TMEM37: variants seen among roughly 807,000 people sequenced by gnomAD.
TMEM37 encodes voltage-dependent calcium channel gamma-like subunit.
Under a neutral mutation model 11.0 loss-of-function variants are expected in TMEM37, and 12 were observed. That is an observed-to-expected ratio of 1.09 (90% confidence interval 0.70 to 1.76). TMEM37 has a LOEUF of 1.76. TMEM37 is among the 40% of genes most tolerant of loss of function. The pLI is 0.00. For synonymous variants in TMEM37, 127 were observed against 110.5 expected (o/e 1.15, Z -0.94); for missense variants, 203 against 251.2 (o/e 0.81, Z 1.30).
intron 1 of TMEM37, among the ~76,000 whole-genome samples, chr2:119,434,507 T>C (rs1423951428): frequency 1.3e-5 from 2 of 150,974 alleles, no homozygotes; most frequent in African/African-American, 4.9e-5. Flanking sequence ...GGACCCCCAA[T>C]GTCCCAAGCA....
chr2:119,434,088 G>A (rs1462873839), intron 1 of TMEM37, among the ~76,000 whole-genome samples: 1 of 152,102 alleles, frequency 6.6e-6, no homozygotes, highest in South Asian at 2.1e-4. Context: ...TGATCCTGAC[G>A]TGACATCTAA....
Position 119,437,925 on chromosome 2 carries a change from T to G in TMEM37, c.*485T>G, listed in dbSNP as rs992160270. On this transcript the variant is annotated 3_prime_UTR_variant, in exon 2 of 2. Coordinates refer to ENST00000306406, the MANE Select transcript of TMEM37 (RefSeq NM_183240.3). The stretch of plus-strand genomic sequence containing the variant: ...TAAGGGTCCAATCAGTGCCTAGGAC[T>G]TTCTTCCACCAGCTCAAAGGGCCTT... 4.1e-5 allele frequency: 1 copy of G among 24,486 alleles called. No homozygotes were observed. The highest frequency in any genetic ancestry group is 8.9e-5 in the African/African-American group (1 of 11,202). 1.5% of individuals were successfully genotyped at this position (24,486 alleles called of 1,614,324 possible). A position where few individuals can be genotyped will look rare whatever the true frequency, so the allele number is the denominator to read the frequency against.
chr2:119,437,597 G>T lies in TMEM37; in HGVS notation c.*157G>T. The T allele has an allele frequency of 9.6e-7, 1 of 1,042,388 alleles. No homozygotes were observed. Among genetic ancestry groups the T allele is most frequent in the Middle Eastern group, 3.1e-4 (1 of 3,194 alleles). 64.6% of individuals were successfully genotyped at this position (1,042,388 alleles called of 1,614,324 possible). A position where few individuals can be genotyped will look rare whatever the true frequency, so the allele number is the denominator to read the frequency against. On this transcript the variant is annotated 3_prime_UTR_variant, in exon 2 of 2. Coordinates refer to ENST00000306406, the MANE Select transcript of TMEM37 (RefSeq NM_183240.3). ...CCGATAACTTGTGGGTGGTCAGCCA[G>T]AAATGGCCCGGGGGCCTCTGCACCT...
In TMEM37 at chr2:119,438,466, G is replaced by A. The variant is rs757958379; in HGVS notation, c.*1026G>A. 6.6e-6 allele frequency: 1 copy of A among 152,252 alleles called. No individual in the cohort carries two copies. Among genetic ancestry groups the A allele is most frequent in the African/African-American group, 2.4e-5 (1 of 41,446 alleles). The allele number at this position is 152,252 out of a possible 1,614,324, so 9.4% of individuals were successfully genotyped here. ...TGGAGATTTCCATCCTTGCCAGCAC[G>A]TCTGTACTTCTGTTCATTAAAGTGC... On this transcript the variant is annotated 3_prime_UTR_variant, in exon 2 of 2. Transcript: ENST00000306406.
At position 119,438,129 on chromosome 2, in the gene TMEM37, T is replaced by A. The variant is rs1189081210; in HGVS notation, c.*689T>A. On this transcript the variant is annotated 3_prime_UTR_variant, in exon 2 of 2. Transcript: ENST00000306406. ...ATCTTCTAGCAGCTGGCTGTGCCTCTGGGAGCTCTGCCTATCAGAACCCTA... is the reference window on the plus strand; with the variant it reads ...ATCTTCTAGCAGCTGGCTGTGCCTCAGGGAGCTCTGCCTATCAGAACCCTA... The A allele has an allele frequency of 6.9e-6, 1 of 144,536 alleles. No homozygotes were observed. The highest frequency in any genetic ancestry group is 2.0e-4 in the East Asian group (1 of 4,890). The allele number at this position is 144,536 out of a possible 1,614,324, so 9.0% of individuals were successfully genotyped here.
At chr2:119,430,965 C>A (rs1682381171), upstream of TMEM37, among the ~76,000 whole-genome samples, 1 of 152,162 alleles carries the variant, frequency 6.6e-6, no homozygotes, top group African/African-American at 2.4e-5. Flanking sequence ...GGTGAAACCC[C>A]CGTCTCTGCT....
At position 119,437,257 on chromosome 2, in the gene TMEM37, C is replaced by T. The variant is rs985165102; in HGVS notation, c.390C>T (p.Leu130=). ...GCAAGTGGGTCATGGGTTCCATCCT[C>T]CTCCTGGTGTCTTTCGTCCTCTCCT... ...SQCKWVMGSI[L]LLVSFVLSSG... Residue 130 remains leucine (L), a synonymous_variant, in exon 2 of 2, where the codon CTC becomes CTT. Coordinates refer to ENST00000306406, the MANE Select transcript of TMEM37 (RefSeq NM_183240.3). 3.7e-6 allele frequency: 6 copies of T among 1,614,142 alleles called. No individual in the cohort carries two copies. The African/African-American group carries it at 6.7e-5, about 18-fold the overall frequency.
intron 1 of TMEM37, among the ~76,000 whole-genome samples, chr2:119,435,261 G>A (rs2587708): frequency 0.75 from 106,663 of 141,832 alleles, 37,619 homozygotes; most frequent in African/African-American, 0.79. Context: ...TACTCTTGCT[G>A]GGCTCTTTGA....
At chr2:119,430,082 C>T, upstream of TMEM37, 1 of 996,836 alleles carries the variant, frequency 1.0e-6, no homozygotes. Flanking sequence ...GTCTTCCTTT[C>T]CCATGTGGGC....
In TMEM37 at chr2:119,433,379, C is replaced by T. The variant is rs151246129; in HGVS notation, c.21+1455C>T. Among the ~76,000 whole-genome samples, 533 of 152,356 alleles carry T rather than the reference C, an allele frequency of 3.5e-3. 6 individuals carry two copies. The highest frequency in any genetic ancestry group is 0.012 in the African/African-American group (511 of 41,578). On this transcript the variant is annotated intron_variant, in intron 1 of 1. Coordinates refer to ENST00000306406, the MANE Select transcript of TMEM37 (RefSeq NM_183240.3). Reference sequence around the variant, plus strand: ...GCTGAGAGGAGCAGAGGCAGGCCGGCTCATCAGGAGGCTGTGAACTTCCAG... The same window carrying T: ...GCTGAGAGGAGCAGAGGCAGGCCGGTTCATCAGGAGGCTGTGAACTTCCAG...
chr2:119,432,294 G>A (rs1682417713), intron 1 of TMEM37: 1 of 211,174 alleles, frequency 4.7e-6, no homozygotes, highest in Non-Finnish European at 9.3e-6. Context: ...AATGAGGCGC[G>A]TCTGGGGTGG....
intron 1 of TMEM37, among the ~76,000 whole-genome samples, chr2:119,435,766 G>A (rs1682484195): frequency 6.6e-6 from 1 of 152,196 alleles, no homozygotes; most frequent in Non-Finnish European, 1.5e-5. Flanking sequence ...ATTTGAACAG[G>A]TGCCTGACAC....
intron 1 of TMEM37, among the ~76,000 whole-genome samples, chr2:119,433,915 A>C (rs1164750893): frequency 6.6e-6 from 1 of 152,164 alleles, no homozygotes; most frequent in East Asian, 1.9e-4. Flanking sequence ...TATTAATATT[A>C]ATAGCTACCA....
At chr2:119,434,564 G>A (rs921121577) in intron 1 of TMEM37, among the ~76,000 whole-genome samples, 8 of 151,908 alleles carry the variant, frequency 5.3e-5, no homozygotes, top group Non-Finnish European at 1.0e-4. Flanking sequence ...GAGCCAGCCT[G>A]CTCAGCTTCC....
chr2:119,430,014 G>C, upstream of TMEM37: 1 of 1,539,430 alleles, frequency 6.5e-7, no homozygotes. Context: ...ATCTCACCTG[G>C]GAGAGCCCAC....
rs1682528815 is a variant in TMEM37 at position 119,437,587 on chromosome 2, T to TGG, written c.*148_*149dup. 1.7e-6 allele frequency: 2 copies of TGG among 1,143,770 alleles called. No individual in the cohort carries two copies. The highest frequency in any genetic ancestry group is 3.1e-5 in the South Asian group (2 of 63,902). 70.9% of individuals were successfully genotyped at this position (1,143,770 alleles called of 1,614,324 possible). On this transcript the variant is annotated 3_prime_UTR_variant, in exon 2 of 2. Coordinates refer to ENST00000306406, the MANE Select transcript of TMEM37 (RefSeq NM_183240.3). The stretch of plus-strand genomic sequence containing the variant: ...TGCCTGTTTGCCGATAACTTGTGGG[T>TGG]GGTCAGCCAGAAATGGCCCGGGGGC...
intron 1 of TMEM37, among the ~76,000 whole-genome samples, chr2:119,433,973 C>T (rs1409943048): frequency 2.0e-5 from 3 of 152,142 alleles, no homozygotes; most frequent in Non-Finnish European, 4.4e-5. Flanking sequence ...TACAGGATCT[C>T]ATTTGATTCC....
Position 119,436,987 on chromosome 2 carries a change from G to A in TMEM37, c.120G>A (p.Leu40=). The stretch of plus-strand genomic sequence containing the variant: ...CGTGTGTGGCCCTGGCTGTGGTCCT[G>A]TCCTCGGTCTCCATTTGTGATGGGC... ...IITCVALAVV[L]SSVSICDGHW... is the part of the protein sequence containing the mutation. The change falls in exon 2 of 2, where the codon CTG becomes CTA. Residue 40 remains leucine (L), a synonymous_variant. Transcript: ENST00000306406. 1 of 1,614,258 alleles carries A rather than the reference G, an allele frequency of 6.2e-7. No individual in the cohort carries two copies. The highest frequency in any genetic ancestry group is 2.2e-5 in the East Asian group (1 of 44,876).
chr2:119,436,224 G>A (rs1200799813), intron 1 of TMEM37, among the ~76,000 whole-genome samples: 1 of 152,180 alleles, frequency 6.6e-6, no homozygotes. Context: ...GCCTTCCCAT[G>A]CCCAGAAGCT....
Sources: gnomAD v4.1 joint callset for allele counts (sites outside exome capture counted in the v4.1 genomes callset) on GRCh38, gnomAD v4.1.1 for gene constraint, MANE v1.5 for transcripts, NCBI Gene and HGNC (gene_info 2026-07-23, HGNC 2026-07-21) for gene names.